Variants in EYS observed in about 807,000 individuals in gnomAD.
EYS encodes protein eyes shut homolog.
A neutral mutation model predicts 282.1 loss-of-function variants in EYS; 250 were observed. The ratio of observed to expected loss-of-function variants is 0.89; its 90% confidence interval spans 0.80 to 0.98. EYS has a LOEUF of 0.98. EYS is among the 50% of genes least tolerant of loss of function. EYS has a pLI of 0.00. For missense variants in EYS, 4,016 were observed against 3,709.0 expected, an observed-to-expected ratio of 1.08 and a Z score of -2.15; for synonymous variants, 1,355 against 1,282.9, an observed-to-expected ratio of 1.06 and a Z score of -1.20.
At chr6:65,052,208 G>A (rs543533021) in intron 13 of EYS, among the ~76,000 whole-genome samples, 1 of 151,480 alleles carries the variant, frequency 6.6e-6, no homozygotes, top group Non-Finnish European at 1.5e-5. Context: ...ATTTAGTTCT[G>A]GGGGAAAGAT....
rs192098024 is a variant in EYS at position 65,122,445 on chromosome 6, G to A, written c.2024-64718C>T. On this transcript the variant is annotated intron_variant, in intron 12 of 42. Transcript: ENST00000503581. Reference sequence around the variant, plus strand: ...TAATAAGGTGAAAGTTATGAAGAGCGTGTCAATGAGAAAATTTGATAGTCT... The same window carrying A: ...TAATAAGGTGAAAGTTATGAAGAGCATGTCAATGAGAAAATTTGATAGTCT... Among the ~76,000 whole-genome samples, 220 of 152,164 alleles carry A rather than the reference G, an allele frequency of 1.4e-3. 1 individual carries two copies. Among genetic ancestry groups the A allele is most frequent in the African/African-American group, 3.5e-3 (144 of 41,542 alleles).
chr6:65,419,218 C>T (rs1056753182), intron 5 of EYS, among the ~76,000 whole-genome samples: 7 of 151,590 alleles, frequency 4.6e-5, no homozygotes, highest in Admixed American at 4.6e-4. Flanking sequence ...ACAAATAAAG[C>T]AATCAGTCCT....
chr6:65,211,390 C>A (rs2150252277), intron 12 of EYS, among the ~76,000 whole-genome samples: 1 of 152,106 alleles, frequency 6.6e-6, no homozygotes, highest in East Asian at 1.9e-4. Flanking sequence ...GACTAGCTTT[C>A]TATCTGAGAC....
chr6:64,054,662 T>C (rs1301800891), intron 33 of EYS, among the ~76,000 whole-genome samples: 2 of 152,148 alleles, frequency 1.3e-5, no homozygotes, highest in Non-Finnish European at 2.9e-5. Flanking sequence ...TAGAGTAAAA[T>C]GGCCTAGGTA....
intron 33 of EYS, among the ~76,000 whole-genome samples, chr6:64,051,537 C>T (rs1770810507): frequency 6.6e-6 from 1 of 152,014 alleles, no homozygotes; most frequent in African/African-American, 2.4e-5. Context: ...TACTATCAAG[C>T]TTTAAGGTGA....
chr6:65,070,702 T>C (rs971377977), intron 12 of EYS, among the ~76,000 whole-genome samples: 1 of 151,752 alleles, frequency 6.6e-6, no homozygotes, highest in Non-Finnish European at 1.5e-5. Flanking sequence ...AAATCTGGAT[T>C]AGGTCCCCCT....
chr6:64,565,453 C>A (rs79296129), intron 26 of EYS, among the ~76,000 whole-genome samples: 4,608 of 152,040 alleles, frequency 0.03, 152 homozygotes, highest in East Asian at 0.11. Context: ...AGAGAAAATA[C>A]TGCCATTTTG....
At chr6:65,055,143 C>T (rs540593196) in intron 13 of EYS, among the ~76,000 whole-genome samples, 3 of 152,066 alleles carry the variant, frequency 2.0e-5, no homozygotes, top group Non-Finnish European at 4.4e-5. Context: ...CCACAACTGG[C>T]TCATTTTTCC....
At chr6:64,268,882 A>G (rs927053939) in intron 30 of EYS, among the ~76,000 whole-genome samples, 3 of 152,288 alleles carry the variant, frequency 2.0e-5, no homozygotes, top group South Asian at 2.1e-4. Flanking sequence ...GAGAGAATTG[A>G]TAAATGCTGT....
intron 31 of EYS, among the ~76,000 whole-genome samples, chr6:64,126,048 A>G (rs1244226584): frequency 6.6e-6 from 1 of 151,994 alleles, no homozygotes; most frequent in Non-Finnish European, 1.5e-5. Context: ...GAACACTTTT[A>G]CACTGTTGGT....
chr6:63,872,097 G>A (rs902230269), intron 35 of EYS, among the ~76,000 whole-genome samples: 3 of 152,178 alleles, frequency 2.0e-5, no homozygotes, highest in African/African-American at 7.2e-5. Context: ...CAGTTTCATA[G>A]ACGCCCCAGT....
Position 64,331,762 on chromosome 6 carries a change from C to T in EYS, c.6079-24680G>A, listed in dbSNP as rs117507669. 1.8e-3 allele frequency among the ~76,000 whole-genome samples: 274 copies of T among 152,312 alleles called. 3 individuals carry two copies. In the East Asian group the frequency reaches 0.029, roughly 16 times the overall value. ...TGCCCAAAACAATCCATGGCAGGGG[C>T]CAACATGGCCCCCAGGGATTCAAGA... On this transcript the variant is annotated intron_variant, in intron 29 of 42. Coordinates refer to ENST00000503581, the MANE Select transcript of EYS (RefSeq NM_001142800.2).
chr6:64,914,336 T>A (rs1043151686), intron 15 of EYS, among the ~76,000 whole-genome samples: 1 of 152,088 alleles, frequency 6.6e-6, no homozygotes, highest in Non-Finnish European at 1.5e-5. Flanking sequence ...ATTATGCAAG[T>A]TATGAATCAT....
Position 64,393,869 on chromosome 6 carries a change from A to T in EYS, c.5928-5029T>A, listed in dbSNP as rs539863728. 2.0e-4 allele frequency among the ~76,000 whole-genome samples: 30 copies of T among 152,114 alleles called. No homozygotes were observed. In the East Asian group the frequency reaches 4.8e-3, roughly 24 times the overall value. ...CCCTGTTTGCAGACGACATGATTGT[A>T]TATCTAGAAAACCCCATTGTCTCAG... On this transcript the variant is annotated intron_variant, in intron 28 of 42. Transcript: ENST00000503581.
At chr6:65,140,953 A>G (rs2150208602) in intron 12 of EYS, among the ~76,000 whole-genome samples, 2 of 151,318 alleles carry the variant, frequency 1.3e-5, no homozygotes, top group South Asian at 4.2e-4. Flanking sequence ...AGGGATCTAG[A>G]ACTAGAAATA....
At position 65,047,122 on chromosome 6, in the gene EYS, A is replaced by C. The variant is rs186557685; in HGVS notation, c.2137+10492T>G. 6.1e-3 allele frequency among the ~76,000 whole-genome samples: 925 copies of C among 151,244 alleles called. 13 individuals carry two copies. The highest frequency in any genetic ancestry group is 0.02 in the African/African-American group (836 of 41,238). ...CTTTTTTTTTTTTTATAAACTACCC[A>C]GTCTCAGGTAATTCTTTATAGCATT... On this transcript the variant is annotated intron_variant, in intron 13 of 42. Transcript: ENST00000503581.
At chr6:65,546,491 T>C (rs1768393167) in intron 2 of EYS, among the ~76,000 whole-genome samples, 2 of 152,204 alleles carry the variant, frequency 1.3e-5, no homozygotes, top group Admixed American at 6.5e-5. Flanking sequence ...TCAATTCAAA[T>C]GAGAATTTGA....
chr6:65,697,051 C>T (rs1769480713), intron 1 of EYS, among the ~76,000 whole-genome samples: 1 of 151,908 alleles, frequency 6.6e-6, no homozygotes, highest in Non-Finnish European at 1.5e-5. Context: ...TACATATATT[C>T]TGAGGCATGT....
At chr6:65,319,529 T>G (rs1404175770) in intron 11 of EYS, among the ~76,000 whole-genome samples, 1 of 152,110 alleles carries the variant, frequency 6.6e-6, no homozygotes, top group Non-Finnish European at 1.5e-5. Context: ...TGGCCTTACT[T>G]CTTATTCCTC....
Sources: allele counts gnomAD v4.1 joint callset (sites outside exome capture counted in the v4.1 genomes callset), GRCh38; gene constraint gnomAD v4.1.1; transcripts MANE v1.5; gene names NCBI Gene and HGNC (gene_info 2026-07-23, HGNC 2026-07-21).